Variants in AIF1L observed in about 807,000 individuals in gnomAD.
The protein encoded by AIF1L is allograft inflammatory factor 1-like.
Under a neutral mutation model 20.7 loss-of-function variants are expected in AIF1L, and 12 were observed. The ratio of observed to expected loss-of-function variants is 0.58; its 90% CI spans 0.37 to 0.94. AIF1L has a LOEUF of 0.94. Among genes scored for constraint, AIF1L ranks in the 40% least tolerant of loss-of-function variants. The pLI, the probability that AIF1L is intolerant of heterozygous loss-of-function variation, is 0.01. For missense variants in AIF1L, 173 were observed against 185.3 expected (o/e 0.93, Z 0.39); for synonymous variants, 76 against 65.1 (o/e 1.17, Z -0.81).
chr9:131,100,182 C>T (rs560486076), intron 2 of AIF1L, among the ~76,000 whole-genome samples: 19 of 152,284 alleles, frequency 1.2e-4, no homozygotes, highest in Admixed American at 8.5e-4. Context: ...GCTGGGACTA[C>T]AGGCATGTGC....
Position 131,117,787 on chromosome 9 carries a change from G to C in AIF1L, c.234G>C (p.Lys78Asn), listed in dbSNP as rs774483085. 8.7e-6 allele frequency: 14 copies of C among 1,613,640 alleles called. No homozygotes were observed. The highest frequency in any genetic ancestry group is 1.7e-5 in the Admixed American group (1 of 59,944). ...DLMSLKRMME[K>N]LGVPKTHLEM... is the part of the protein sequence containing the mutation. ...TGTCTTTAAAGAGGATGATGGAGAA[G>C]CTTGGTGTCCCCAAGACCCACCTGG... The change falls in exon 5 of 6, where the codon AAG becomes AAC. Residue 78 changes from lysine (K) to asparagine (N), a missense_variant. Lys to Asn is a moderately conservative substitution (Grantham distance 94). Coordinates refer to ENST00000247291, the MANE Select transcript of AIF1L (RefSeq NM_031426.4).
At chr9:131,100,106 A>C (rs898918706) in intron 2 of AIF1L, among the ~76,000 whole-genome samples, 1 of 152,062 alleles carries the variant, frequency 6.6e-6, no homozygotes, top group African/African-American at 2.4e-5. Context: ...GCAGTGGCCC[A>C]ATCTCAGCTC....
In AIF1L at chr9:131,121,325, A is replaced by G. The variant is rs1014664803; in HGVS notation, c.*1003A>G. 5.5e-5 allele frequency: 31 copies of G among 558,740 alleles called. No homozygotes were observed. The highest frequency in any genetic ancestry group is 9.4e-5 in the Non-Finnish European group (29 of 309,782). The allele number at this position is 558,740 out of a possible 1,614,324, so 34.6% of individuals were successfully genotyped here. ...TTCACCAGATATTTATTGACCTGCTATTATAAGCTTTACATCCTCCCATGT... is the reference window on the plus strand; with the variant it reads ...TTCACCAGATATTTATTGACCTGCTGTTATAAGCTTTACATCCTCCCATGT... On this transcript the variant is annotated 3_prime_UTR_variant, in exon 6 of 6. Coordinates refer to ENST00000247291, the MANE Select transcript of AIF1L (RefSeq NM_031426.4).
intron 2 of AIF1L, among the ~76,000 whole-genome samples, chr9:131,098,677 G>A (rs945752700): frequency 6.6e-6 from 1 of 152,152 alleles, no homozygotes; most frequent in African/African-American, 2.4e-5. Context: ...CGACTAGCTT[G>A]GCTTAGAAAG....
intron 2 of AIF1L, among the ~76,000 whole-genome samples, chr9:131,099,948 A>T (rs1302162802): frequency 6.6e-6 from 1 of 151,904 alleles, no homozygotes. Context: ...GCTGGTCTCG[A>T]ACTCCTGACC....
chr9:131,114,556 T>G, intron 3 of AIF1L, 21 bp from the exon 4 acceptor site: 1 of 1,613,724 alleles, frequency 6.2e-7, no homozygotes, highest in Non-Finnish European at 8.5e-7. Context: ...CTAATGCTAG[T>G]TTTTGCTCTG....
chr9:131,099,168 A>G (rs1235058564), intron 2 of AIF1L, among the ~76,000 whole-genome samples: 4 of 152,190 alleles, frequency 2.6e-5, no homozygotes, highest in African/African-American at 7.2e-5. Context: ...CCTGATAGCT[A>G]TCAGGACAGT....
chr9:131,116,378 C>T (rs969300740), intron 4 of AIF1L, among the ~76,000 whole-genome samples: 3 of 152,138 alleles, frequency 2.0e-5, no homozygotes, highest in African/African-American at 7.2e-5. Flanking sequence ...GTTCTCCTGC[C>T]TCAGCCTCCC....
At position 131,118,695 on chromosome 9, in the gene AIF1L, C is replaced by T. The variant is rs888226104; in HGVS notation, c.365+777C>T. Among the ~76,000 whole-genome samples the T allele has an allele frequency of 3.3e-5, 5 of 151,148 alleles. No homozygotes were observed. The South Asian group carries it at 6.3e-4, about 19-fold the overall frequency. On this transcript the variant is annotated intron_variant, in intron 5 of 5. Coordinates refer to ENST00000247291, the MANE Select transcript of AIF1L (RefSeq NM_031426.4). ...CCGAGTAGCCAGGATTACAGGTGTG[C>T]GCCACCACACCCAACTAATTTTTGT... is the stretch of plus-strand genomic sequence containing the variant.
chr9:131,110,272 G>A (rs1241807433), intron 2 of AIF1L, among the ~76,000 whole-genome samples: 1 of 152,098 alleles, frequency 6.6e-6, no homozygotes, highest in Non-Finnish European at 1.5e-5. Context: ...AGATCACATA[G>A]GTAAGGGCTT....
At chr9:131,098,771 C>T (rs964934758) in intron 2 of AIF1L, among the ~76,000 whole-genome samples, 23 of 152,210 alleles carry the variant, frequency 1.5e-4, no homozygotes, top group Non-Finnish European at 2.5e-4. Flanking sequence ...TGTGGTCTAA[C>T]CACCTCAGGA....
intron 2 of AIF1L, among the ~76,000 whole-genome samples, chr9:131,105,474 C>T (rs968622342): frequency 6.6e-6 from 1 of 152,176 alleles, no homozygotes; most frequent in African/African-American, 2.4e-5. Context: ...AGACAATTCT[C>T]CTGCCTCAGC....
chr9:131,102,106 T>TTTCA (rs1830651105), intron 2 of AIF1L, among the ~76,000 whole-genome samples: 1 of 152,036 alleles, frequency 6.6e-6, no homozygotes, highest in African/African-American at 2.4e-5. Flanking sequence ...AGAGACAGGG[T>TTTCA]TTCACCATGT....
chr9:131,114,441 T>C (rs1439766566), intron 3 of AIF1L, 136 bp from the exon 4 acceptor site: 1 of 947,130 alleles, frequency 1.1e-6, no homozygotes, highest in Non-Finnish European at 1.7e-6. Flanking sequence ...GGGACTCAGG[T>C]CAAGACCCTT....
chr9:131,111,621 A>G lies in AIF1L; in HGVS notation c.118A>G (p.Ser40Gly). The stretch of plus-strand genomic sequence containing the variant: ...GGAGTTTCTGTGTGACCAGAAGTAC[A>G]GTGATGAAGAGAACCTTCCAGAAAA... ...NREFLCDQKYSDEENLPEKLT... is the reference protein window; with the variant it reads ...NREFLCDQKYGDEENLPEKLT... The change falls in exon 3 of 6, where the codon AGT becomes GGT. Residue 40 changes from serine to glycine, a missense_variant. By Grantham distance (56) the Ser-to-Gly change is moderately conservative (BLOSUM62 0). Transcript: ENST00000247291. 1 of 1,614,062 alleles carries G rather than the reference A, an allele frequency of 6.2e-7. No homozygotes were observed. The highest frequency in any genetic ancestry group is 1.1e-5 in the South Asian group (1 of 91,092).
Position 131,120,291 on chromosome 9 carries a change from C to G in AIF1L, c.422C>G (p.Pro141Arg), listed in dbSNP as rs1204086284. The G allele has an allele frequency of 3.1e-6, 5 of 1,613,762 alleles. No individual in the cohort carries two copies. In the Admixed American group the frequency reaches 5.0e-5, roughly 16 times the overall value. ...NESSPKPVGPPPERDIASLP is the reference protein window; with the variant it reads ...NESSPKPVGPRPERDIASLP ...AGCAGCCCCAAGCCAGTTGGCCCCC[C>G]TCCAGAGAGAGACATTGCTAGCCTG... Residue 141 changes from proline (P) to arginine (R), a missense_variant, in exon 6 of 6, where the codon CCT (proline) becomes CGT (arginine). Physicochemically the swap from Pro to Arg is moderately radical, Grantham distance 103. Coordinates refer to ENST00000247291, the MANE Select transcript of AIF1L (RefSeq NM_031426.4).
chr9:131,112,912 C>T (rs906139489), intron 3 of AIF1L, among the ~76,000 whole-genome samples: 3 of 152,116 alleles, frequency 2.0e-5, no homozygotes, highest in African/African-American at 7.2e-5. Flanking sequence ...TTCTACTTGT[C>T]TTCACTGGAA....
At chr9:131,114,821 C>T (rs1242262248) in intron 4 of AIF1L, among the ~76,000 whole-genome samples, 2 of 152,088 alleles carry the variant, frequency 1.3e-5, no homozygotes, top group Non-Finnish European at 2.9e-5. Context: ...TACTGCTTCC[C>T]TCCCCACCCA....
chr9:131,111,833 G>T, intron 3 of AIF1L, 170 bp downstream of exon 3: 1 of 679,828 alleles, frequency 1.5e-6, no homozygotes, highest in Non-Finnish European at 2.4e-6. Context: ...GAGAGGTGGG[G>T]AGAGGCCCCT....
Sources: allele counts gnomAD v4.1 joint callset (sites outside exome capture counted in the v4.1 genomes callset), GRCh38; gene constraint gnomAD v4.1.1; transcripts MANE v1.5; gene names NCBI Gene and HGNC (gene_info 2026-07-23, HGNC 2026-07-21).